KCNH2: variants seen among roughly 807,000 people sequenced by gnomAD.
KCNH2 encodes potassium voltage-gated channel subfamily H member 2.
KCNH2 carries 35 observed loss-of-function variants against 95.9 expected under a neutral mutation model. That is an observed-to-expected ratio of 0.37 (90% CI 0.28 to 0.48). KCNH2 has a LOEUF of 0.48. Among genes scored for constraint, KCNH2 ranks in the 20% least tolerant of loss-of-function variants. KCNH2 has a pLI of 0.99. For synonymous variants in KCNH2, 786 were observed against 754.7 expected (o/e 1.04, Z -0.68); for missense variants, 1,274 against 1,702.9 (o/e 0.75, Z 4.43).
Position 150,962,280 on chromosome 7 carries a change from C to T in KCNH2, c.308-2544G>A, listed in dbSNP as rs868744777. ...GAAGCCTTAGCCCAAGAGACCCCAG[C>T]ACCCACCCCAGGGACCACAGCCAGC... On this transcript the variant is annotated intron_variant, in intron 2 of 14. Transcript: ENST00000262186. The surrounding 1 kb of genome is among the most constrained non-coding windows in gnomAD (Gnocchi z 5.7). Among the ~76,000 whole-genome samples the T allele has an allele frequency of 6.6e-6, 1 of 152,198 alleles. No homozygotes were observed. Among genetic ancestry groups the T allele is most frequent in the Non-Finnish European group, 1.5e-5 (1 of 68,028 alleles).
In KCNH2 at chr7:150,946,582, G is replaced by T. The variant is rs1347319655; in HGVS notation, c.3330+295C>A. On this transcript the variant is annotated intron_variant, in intron 14 of 14. Transcript: ENST00000262186. This position sits in a 1 kb window ranked among gnomAD's most constrained non-coding sequence, Gnocchi z 6.5. ...GCTGGCTCTTCAGGCGATGCTCCGG[G>T]GCCTGGCGGTGGAGGCTGTGGACAC... Among the ~76,000 whole-genome samples the T allele has an allele frequency of 6.6e-6, 1 of 152,206 alleles. No homozygotes were observed. The highest frequency in any genetic ancestry group is 1.5e-5 in the Non-Finnish European group (1 of 68,032).
intron 1 of KCNH2, among the ~76,000 whole-genome samples, chr7:150,977,009 C>G (rs139542311): frequency 1.2e-4 from 19 of 152,152 alleles, no homozygotes; most frequent in Non-Finnish European, 2.6e-4. Flanking sequence ...CCCACTGTGG[C>G]TCATGCAGCC....
At chr7:150,948,581 C>T in intron 10 of KCNH2, 38 bp from the exon 11 acceptor site, 1 of 1,562,128 alleles carries the variant, frequency 6.4e-7, no homozygotes, top group East Asian at 2.2e-5. Flanking sequence ...TTTCAGTGCT[C>T]TCCTGCCCCA....
rs41307313 is a variant in KCNH2, at chr7:150,956,791, G to A, written c.1128+500C>T. On this transcript the variant is annotated intron_variant, in intron 5 of 14. Transcript: ENST00000262186. ...TCCTGGCCATCCCCACAGGACTGAG[G>A]CCCACCCTCTGCCTGGCACATCACC... Among the ~76,000 whole-genome samples, 82 of 152,286 alleles carry A rather than the reference G, an allele frequency of 5.4e-4. 1 individual carries two copies. In the East Asian group the frequency reaches 0.014, roughly 26 times the overall value.
At chr7:150,969,503 A>G (rs1801785080) in intron 2 of KCNH2, among the ~76,000 whole-genome samples, 1 of 152,174 alleles carries the variant, frequency 6.6e-6, no homozygotes, top group African/African-American at 2.4e-5. Context: ...GTGCCCCACA[A>G]TGTCCACGCA....
At chr7:150,964,108 C>G (rs1801640556) in intron 2 of KCNH2, among the ~76,000 whole-genome samples, 3 of 152,194 alleles carry the variant, frequency 2.0e-5, no homozygotes, top group Admixed American at 2.0e-4. Context: ...CCACATTTGG[C>G]TGTGGCAGGG....
chr7:150,973,184 G>A (rs555568562), intron 2 of KCNH2, among the ~76,000 whole-genome samples: 2 of 152,270 alleles, frequency 1.3e-5, no homozygotes, highest in Non-Finnish European at 2.9e-5. Flanking sequence ...ATTCTTTTCA[G>A]TACACCTGTG....
chr7:150,949,411 T>C, intron 9 of KCNH2: 2 of 537,576 alleles, frequency 3.7e-6, no homozygotes, highest in Non-Finnish European at 4.7e-6. Context: ...AACCAGCATT[T>C]TTTTTTTTTT....
rs1801592259 is a variant in KCNH2, at chr7:150,962,497, T to G, written c.308-2761A>C. The stretch of plus-strand genomic sequence containing the variant: ...AGCTGCTCAGCAAGACAGCCCAGAA[T>G]GGCATTCTGAAGCCCACCCAGTCCA... On this transcript the variant is annotated intron_variant, in intron 2 of 14. Transcript: ENST00000262186. The surrounding 1 kb of genome is among the most constrained non-coding windows in gnomAD (Gnocchi z 5.7). Among the ~76,000 whole-genome samples, 1 of 152,082 alleles carries G rather than the reference T, an allele frequency of 6.6e-6. No homozygotes were observed. The highest frequency in any genetic ancestry group is 1.5e-5 in the Non-Finnish European group (1 of 68,012).
At position 150,952,755 on chromosome 7, in the gene KCNH2, C is replaced by A; in HGVS notation, c.1227G>T (p.Val409=). 6.2e-7 allele frequency: 1 copy of A among 1,614,162 alleles called. No individual in the cohort carries two copies. The highest frequency in any genetic ancestry group is 8.5e-7 in the Non-Finnish European group (1 of 1,180,034). Residue 409 remains valine (V), a synonymous_variant, in exon 6 of 15, where the codon GTG becomes GTT. Coordinates refer to ENST00000262186, the MANE Select transcript of KCNH2 (RefSeq NM_000238.4). The surrounding 1 kb of genome is among the most constrained non-coding windows in gnomAD (Gnocchi z 7.3). Reference sequence around the variant, plus strand: ...CCAGCAGCAGGATGAGCCAGTCCCACACGGCCTTGAAGGGGCTGTAATGCA... The same window carrying A: ...CCAGCAGCAGGATGAGCCAGTCCCAAACGGCCTTGAAGGGGCTGTAATGCA... ...TILHYSPFKA[V]WDWLILLLVI... is the part of the protein sequence containing the mutation.
chr7:150,975,482 A>AC (rs1238792731), intron 1 of KCNH2, among the ~76,000 whole-genome samples: 1 of 151,942 alleles, frequency 6.6e-6, no homozygotes, highest in Non-Finnish European at 1.5e-5. Flanking sequence ...CCAGGTCAGT[A>AC]CCCCCTAGAA....
At chr7:150,949,970 G>C in intron 9 of KCNH2, 198 bp downstream of exon 9, 1 of 1,547,006 alleles carries the variant, frequency 6.5e-7, no homozygotes, top group South Asian at 1.2e-5. Flanking sequence ...GAACCCCAGA[G>C]TTCAGCAGCC....
Position 150,962,480 on chromosome 7 carries a change from A to G in KCNH2, c.308-2744T>C, listed in dbSNP as rs1344969367. On this transcript the variant is annotated intron_variant, in intron 2 of 14. Transcript: ENST00000262186. This position sits in a 1 kb window ranked among gnomAD's most constrained non-coding sequence, Gnocchi z 5.7. ...GTCCCCTCTTCAGCTCAAGCTGCTC[A>G]GCAAGACAGCCCAGAATGGCATTCT... 1.3e-5 allele frequency among the ~76,000 whole-genome samples: 2 copies of G among 152,174 alleles called. No homozygotes were observed. Among genetic ancestry groups the G allele is most frequent in the Non-Finnish European group, 2.9e-5 (2 of 68,030 alleles).
At chr7:150,951,920 C>T (rs532578593) in intron 6 of KCNH2, 85 bp from the exon 7 acceptor site, 2 of 1,302,834 alleles carry the variant, frequency 1.5e-6, no homozygotes, top group African/African-American at 1.5e-5. Flanking sequence ...TCAGAGCGAG[C>T]ATCAGAGGTC....
Position 150,946,995 on chromosome 7 carries a change from A to ATCTGCC in KCNH2, c.3206_3211dup (p.Arg1069_Gln1070dup), listed in dbSNP as rs1235256802. ...ACTGTAGGCGGGCGGGACCAGCGTC[A>ATCTGCC]TCTGCCTCTGTAGCAGCTGCAGGAC... On this transcript the variant is annotated inframe_insertion, in exon 14 of 15. Coordinates refer to ENST00000262186, the MANE Select transcript of KCNH2 (RefSeq NM_000238.4). This position sits in a 1 kb window ranked among gnomAD's most constrained non-coding sequence, Gnocchi z 6.5. 8.1e-6 allele frequency: 13 copies of ATCTGCC among 1,610,792 alleles called. No individual in the cohort carries two copies. Among genetic ancestry groups the ATCTGCC allele is most frequent in the African/African-American group, 1.3e-5 (1 of 74,834 alleles).
At chr7:150,953,728 A>C (rs62492437) in intron 5 of KCNH2, among the ~76,000 whole-genome samples, 1 of 152,192 alleles carries the variant, frequency 6.6e-6, no homozygotes, top group Non-Finnish European at 1.5e-5. Flanking sequence ...ACTGTCCCAG[A>C]AGCTTCTGGG....
At chr7:150,968,228 C>T (rs537566036) in intron 2 of KCNH2, among the ~76,000 whole-genome samples, 3 of 152,308 alleles carry the variant, frequency 2.0e-5, no homozygotes, top group South Asian at 2.1e-4. Flanking sequence ...ACATGTCCCG[C>T]GATCCAGCAA....
chr7:150,945,185 CT>C lies in KCNH2; in HGVS notation c.*179del. The C allele has an allele frequency of 1.4e-6, 1 of 698,628 alleles. No individual in the cohort carries two copies. 43.3% of individuals were successfully genotyped at this position (698,628 alleles called of 1,614,324 possible). ...CCTACTGCCGGCCCTGCCCCTGCCC[CT>C]CTCACTGGGGCCCAGGGGACTGCAG... On this transcript the variant is annotated 3_prime_UTR_variant, in exon 15 of 15. Transcript: ENST00000262186. The surrounding 1 kb of genome is among the most constrained non-coding windows in gnomAD (Gnocchi z 5.6).
At chr7:150,965,070 G>A (rs151038764) in intron 2 of KCNH2, among the ~76,000 whole-genome samples, 17 of 139,916 alleles carry the variant, frequency 1.2e-4, no homozygotes, top group Non-Finnish European at 1.9e-4. Flanking sequence ...GTGTGCGCGC[G>A]TGTGTGTGTG....
Sources: gnomAD v4.1 joint callset for allele counts (sites outside exome capture counted in the v4.1 genomes callset) on GRCh38, gnomAD v4.1.1 for gene constraint, Gnocchi (gnomAD v3.1) non-coding constraint, MANE v1.5 for transcripts, NCBI Gene and HGNC (gene_info 2026-07-23, HGNC 2026-07-21) for gene names.